The following PKHD1L1 variants were observed in gnomAD, a reference collection of about 807,000 sequenced individuals.
PKHD1L1 encodes PKHD1 like 1.
A neutral mutation model predicts 462.9 loss-of-function variants in PKHD1L1; 434 were observed. The observed-to-expected ratio is 0.94, with a 90% CI of 0.87 to 1.02. PKHD1L1 has a LOEUF of 1.02. Among genes scored for constraint, PKHD1L1 ranks in the 50% least tolerant of loss-of-function variants. The pLI, the probability that PKHD1L1 is intolerant of heterozygous loss-of-function variation, is 0.00. For missense variants in PKHD1L1, 5,202 were observed against 5,096.1 expected (o/e 1.02, Z -0.63); for synonymous variants, 1,781 against 1,750.0 (o/e 1.02, Z -0.44).
chr8:109,486,946 G>C (rs1035659791), intron 59 of PKHD1L1, 125 bp downstream of exon 59: 14 of 994,822 alleles, frequency 1.4e-5, no homozygotes, highest in Non-Finnish European at 2.0e-5. Context: ...CATTAAAAGT[G>C]ATTATGTAGC....
intron 71 of PKHD1L1, among the ~76,000 whole-genome samples, chr8:109,514,790 A>G (rs1194701350): frequency 6.6e-6 from 1 of 152,080 alleles, no homozygotes; most frequent in Admixed American, 6.6e-5. Flanking sequence ...TTTTTTTCCA[A>G]CGTTAAGTAC....
intron 6 of PKHD1L1, among the ~76,000 whole-genome samples, chr8:109,386,587 AC>A (rs1486883796): frequency 2.6e-5 from 4 of 152,218 alleles, no homozygotes; most frequent in African/African-American, 9.6e-5. Flanking sequence ...TAATTAAATC[AC>A]ATTTGTATGC....
In PKHD1L1 at chr8:109,498,756, CT is replaced by C; in HGVS notation, c.10817del (p.Leu3606TrpfsTer28). On this transcript the variant is annotated frameshift_variant, in exon 67 of 78. Coordinates refer to ENST00000378402, the MANE Select transcript of PKHD1L1 (RefSeq NM_177531.6). LOFTEE classifies it high-confidence loss of function. ...GIMSYNAISG[L>X]LDISGSTFVG... ...CATGAGTTACAATGCCATCAGTGGCCTTTTGGACATCTCAGGCAAGTACACA... is the reference window on the plus strand; with the variant it reads ...CATGAGTTACAATGCCATCAGTGGCCTTTGGACATCTCAGGCAAGTACACA... 6.2e-7 allele frequency: 1 copy of C among 1,612,004 alleles called. No homozygotes were observed. Among genetic ancestry groups the C allele is most frequent in the Non-Finnish European group, 8.5e-7 (1 of 1,178,246 alleles).
intron 30 of PKHD1L1, among the ~76,000 whole-genome samples, chr8:109,437,597 G>T (rs1312707466): frequency 1.3e-5 from 2 of 148,354 alleles, no homozygotes; most frequent in Non-Finnish European, 3.0e-5. Context: ...ATGCCAAAAC[G>T]TAATGAATCC....
At chr8:109,515,430 C>A in intron 72 of PKHD1L1, 125 bp downstream of exon 72, 1 of 722,886 alleles carries the variant, frequency 1.4e-6, no homozygotes, top group Non-Finnish European at 2.0e-6. Context: ...AAGTTTTTAG[C>A]CATAGTCCAC....
chr8:109,502,740 C>T (rs764822569), intron 67 of PKHD1L1, among the ~76,000 whole-genome samples: 1 of 152,172 alleles, frequency 6.6e-6, no homozygotes, highest in African/African-American at 2.4e-5. Flanking sequence ...AAGGTATGCT[C>T]TCAGGAGAAA....
Position 109,442,290 on chromosome 8 carries a change from A to G in PKHD1L1, c.4393+95A>G, listed in dbSNP as rs561866496. On this transcript the variant is annotated intron_variant, in intron 35 of 77. Transcript: ENST00000378402. ...TAGATTTAATACAGTATTTTTACAT[A>G]AATAATATACACAAATGCGTAAGGT... 16 of 1,196,168 alleles carry G rather than the reference A, an allele frequency of 1.3e-5. No individual in the cohort carries two copies. In the African/African-American group the frequency reaches 2.3e-4, roughly 17 times the overall value. The allele number at this position is 1,196,168 out of a possible 1,614,324, so 74.1% of individuals were successfully genotyped here. A position where few individuals can be genotyped will look rare whatever the true frequency, so the allele number is the denominator to read the frequency against.
intron 19 of PKHD1L1, among the ~76,000 whole-genome samples, chr8:109,410,662 G>T (rs1199242673): frequency 6.6e-6 from 1 of 151,542 alleles, no homozygotes; most frequent in Non-Finnish European, 1.5e-5. Flanking sequence ...GCGATTTGGT[G>T]GGGACGCAGA....
chr8:109,532,307 C>T lies in PKHD1L1; in HGVS notation c.*2217C>T, dbSNP rs868545941. On this transcript the variant is annotated 3_prime_UTR_variant, in exon 78 of 78. Transcript: ENST00000378402. The stretch of plus-strand genomic sequence containing the variant: ...CTTCTGGCTGTCTGCTTTTTAAGAA[C>T]ATTCTAGAATTATCATAATAATTCC... 6.6e-6 allele frequency among the ~76,000 whole-genome samples: 1 copy of T among 152,154 alleles called. No individual in the cohort carries two copies. The highest frequency in any genetic ancestry group is 1.5e-5 in the Non-Finnish European group (1 of 68,010).
At chr8:109,427,393 C>A (rs1380420367) in intron 25 of PKHD1L1, among the ~76,000 whole-genome samples, 1 of 152,056 alleles carries the variant, frequency 6.6e-6, no homozygotes, top group Non-Finnish European at 1.5e-5. Context: ...TAGAAAAAGT[C>A]CAGAAATATG....
chr8:109,536,098 A>G lies in PKHD1L1; in HGVS notation c.*6008A>G, dbSNP rs1821141886. Among the ~76,000 whole-genome samples the G allele has an allele frequency of 6.6e-6, 1 of 152,178 alleles. No homozygotes were observed. The highest frequency in any genetic ancestry group is 1.5e-5 in the Non-Finnish European group (1 of 68,026). Reference sequence around the variant, plus strand: ...ACATGTCTACTTCTGGTTGCTGATGACATAAAATTCACCTCTATTTCTTGG... The same window carrying G: ...ACATGTCTACTTCTGGTTGCTGATGGCATAAAATTCACCTCTATTTCTTGG... On this transcript the variant is annotated 3_prime_UTR_variant, in exon 78 of 78. Coordinates refer to ENST00000378402, the MANE Select transcript of PKHD1L1 (RefSeq NM_177531.6).
At chr8:109,466,463 C>A in intron 49 of PKHD1L1, 115 bp from the exon 50 acceptor site, 1 of 1,081,134 alleles carries the variant, frequency 9.2e-7, no homozygotes, top group Non-Finnish European at 1.3e-6. Flanking sequence ...AACAAAACTA[C>A]CCAGACTTTT....
At chr8:109,386,868 G>A (rs1475594885) in intron 6 of PKHD1L1, among the ~76,000 whole-genome samples, 1 of 152,036 alleles carries the variant, frequency 6.6e-6, no homozygotes, top group Non-Finnish European at 1.5e-5. Context: ...ATTTATTTCT[G>A]CTTAATATAA....
At chr8:109,524,568 T>A (rs941871851) in intron 76 of PKHD1L1, among the ~76,000 whole-genome samples, 3 of 152,194 alleles carry the variant, frequency 2.0e-5, no homozygotes, top group Non-Finnish European at 4.4e-5. Flanking sequence ...ACTAAGGTCT[T>A]CAAACTACAA....
At chr8:109,381,573 G>A (rs1310191657) in intron 3 of PKHD1L1, 59 bp downstream of exon 3, 7 of 1,254,916 alleles carry the variant, frequency 5.6e-6, no homozygotes, top group African/African-American at 3.0e-5. Context: ...TTACAGTTAT[G>A]AATATTAGTA....
At chr8:109,497,975 G>A (rs1235265068) in intron 65 of PKHD1L1, among the ~76,000 whole-genome samples, 1 of 151,666 alleles carries the variant, frequency 6.6e-6, no homozygotes, top group Non-Finnish European at 1.5e-5. Flanking sequence ...TGCTTTTCCA[G>A]TTGGGGTAGC....
In PKHD1L1 at chr8:109,459,632, T is replaced by A. The variant is rs1472429136; in HGVS notation, c.7042T>A (p.Ser2348Thr). ...QGENEKMTIA[S>T]VSADGINITL... ...AGAGAATGAAAAAATGACCATTGCA[T>A]CTGTGTCTGCTGATGGCATAAACAT... The change falls in exon 47 of 78, where the codon TCT (serine) becomes ACT (threonine). Residue 2348 changes from serine to threonine, a missense_variant. Ser to Thr is a moderately conservative substitution (Grantham distance 58). Around this residue, in one of 3 missense-constraint regions of PKHD1L1, gnomAD observed 4,497 missense variants for 4,336.8 expected, o/e 1.04. Transcript: ENST00000378402. The A allele has an allele frequency of 6.3e-7, 1 of 1,588,854 alleles. No individual in the cohort carries two copies. Among genetic ancestry groups the A allele is most frequent in the Non-Finnish European group, 8.6e-7 (1 of 1,166,350 alleles).
At chr8:109,450,924 G>T (rs375039901) in intron 40 of PKHD1L1, 51 bp from the exon 41 acceptor site, 2 of 1,512,344 alleles carry the variant, frequency 1.3e-6, no homozygotes, top group East Asian at 4.6e-5. Flanking sequence ...TTTTGGAAAT[G>T]AATCAGGGCC....
At chr8:109,409,231 AAGC>A (rs1357930876) in intron 18 of PKHD1L1, among the ~76,000 whole-genome samples, 1 of 152,130 alleles carries the variant, frequency 6.6e-6, no homozygotes, top group Non-Finnish European at 1.5e-5. Context: ...TTATAAATAC[AAGC>A]TTACAGTATA....
Sources: allele counts gnomAD v4.1 joint callset (sites outside exome capture counted in the v4.1 genomes callset), GRCh38; gene constraint gnomAD v4.1.1; regional missense constraint gnomAD v4.1.1; transcripts MANE v1.5; gene names NCBI Gene and HGNC (gene_info 2026-07-23, HGNC 2026-07-21).